Variants in ABCA8 observed in about 807,000 individuals in gnomAD.
ABCA8 encodes ATP binding cassette subfamily A member 8, also known as ABC-type organic anion transporter ABCA8.
A neutral mutation model predicts 192.3 loss-of-function variants in ABCA8; 177 were observed. That is an observed-to-expected ratio of 0.92 (90% CI 0.81 to 1.04). The LOEUF is 1.04. ABCA8 is among the 50% of genes least tolerant of loss of function. The probability of loss-of-function intolerance (pLI) is 0.00; values close to 1 mark genes in which losing one functional copy is unlikely to be tolerated. For synonymous variants in ABCA8, 642 were observed against 690.2 expected (o/e 0.93, Z 1.09); for missense variants, 1,915 against 1,904.8 (o/e 1.01, Z -0.10).
In ABCA8 at chr17:68,903,486, C is replaced by T. The variant is rs1397675893; in HGVS notation, c.2412G>A (p.Leu804=). Residue 804 remains leucine (L), a synonymous_variant, in exon 20 of 40, where the codon TTG becomes TTA. Coordinates refer to ENST00000586539, the MANE Select transcript of ABCA8 (RefSeq NM_001288985.2). ...CAGCTTTTTCCGCTTGTACTTCTCC[C>T]AAAATAGCAATGTCTGCAAAACATA... ...STINESDIAI[L]GEVQAEKADD... The T allele has an allele frequency of 1.2e-6, 2 of 1,613,962 alleles. No individual in the cohort carries two copies. The highest frequency in any genetic ancestry group is 1.7e-6 in the Non-Finnish European group (2 of 1,179,970).
At chr17:68,888,049 T>C (rs1415917425) in intron 24 of ABCA8, among the ~76,000 whole-genome samples, 3 of 141,666 alleles carry the variant, frequency 2.1e-5, no homozygotes, top group Admixed American at 7.3e-5. Flanking sequence ...GTTTATTTTA[T>C]ATACACACAT....
Position 68,902,883 on chromosome 17 carries a change from C to A in ABCA8, c.2598-4G>T. The A allele has an allele frequency of 6.2e-7, 1 of 1,604,538 alleles. No homozygotes were observed. Among genetic ancestry groups the A allele is most frequent in the Non-Finnish European group, 8.5e-7 (1 of 1,175,058 alleles). Reference sequence around the variant, plus strand: ...TCCAGCCATTAGAATTAATAGCCTACACAAAAGAAAATTGCCAAAATGAAT... The same window carrying A: ...TCCAGCCATTAGAATTAATAGCCTAAACAAAAGAAAATTGCCAAAATGAAT... On this transcript the variant is annotated splice_region_variant and splice_polypyrimidine_tract_variant and intron_variant, in intron 20 of 39. Coordinates refer to ENST00000586539, the MANE Select transcript of ABCA8 (RefSeq NM_001288985.2).
intron 37 of ABCA8, among the ~76,000 whole-genome samples, chr17:68,871,757 A>C (rs2066063934): frequency 6.6e-6 from 1 of 152,190 alleles, no homozygotes; most frequent in Non-Finnish European, 1.5e-5. Context: ...CCATGATGAC[A>C]TTATAGCATA....
At chr17:68,929,477 A>C in intron 8 of ABCA8, 84 bp downstream of exon 8, 1 of 1,421,208 alleles carries the variant, frequency 7.0e-7, no homozygotes, top group South Asian at 1.4e-5. Context: ...GTAGAAAAAA[A>C]AGGAGGCATA....
Position 68,940,850 on chromosome 17 carries a change from A to T in ABCA8, c.209T>A (p.Phe70Tyr). The T allele has an allele frequency of 6.2e-7, 1 of 1,613,528 alleles. No homozygotes were observed. The highest frequency in any genetic ancestry group is 8.5e-7 in the Non-Finnish European group (1 of 1,179,568). ...TACAACAGAAAATCTGGATTCATTA[A>T]ATGTATCTACCCGTCCCAGGTCCAT... is the stretch of plus-strand genomic sequence containing the variant. Reference protein sequence around the residue: ...LTMDLGRVDTFNESRFSVVYT... With the variant: ...LTMDLGRVDTYNESRFSVVYT... The change falls in exon 4 of 40, where the codon TTT (phenylalanine) becomes TAT (tyrosine). Residue 70 changes from phenylalanine to tyrosine, a missense_variant. Transcript: ENST00000586539.
At chr17:68,943,210 CA>C (rs2068281333) in intron 2 of ABCA8, among the ~76,000 whole-genome samples, 1 of 152,020 alleles carries the variant, frequency 6.6e-6, no homozygotes, top group Non-Finnish European at 1.5e-5. Context: ...AAAAGCTTTA[CA>C]TTGTCTTTTT....
intron 17 of ABCA8, among the ~76,000 whole-genome samples, chr17:68,912,577 A>G (rs1033063429): frequency 1.3e-5 from 2 of 152,156 alleles, no homozygotes; most frequent in Non-Finnish European, 2.9e-5. Flanking sequence ...AGAAAACAGA[A>G]AAGAGCAGAA....
At chr17:68,953,104 G>A (rs1000393348) in intron 1 of ABCA8, among the ~76,000 whole-genome samples, 1 of 152,168 alleles carries the variant, frequency 6.6e-6, no homozygotes, top group Admixed American at 6.5e-5. Context: ...GCTTTCAAAT[G>A]GTCTTTGCCG....
intron 3 of ABCA8, 91 bp from the exon 4 acceptor site, chr17:68,941,053 T>G: frequency 1.0e-6 from 1 of 985,644 alleles, no homozygotes; most frequent in Non-Finnish European, 1.5e-6. Flanking sequence ...TCTTTTTTAC[T>G]TTTCTAACTT....
At chr17:68,903,152 T>G in intron 20 of ABCA8, 149 bp downstream of exon 20, 1 of 876,684 alleles carries the variant, frequency 1.1e-6, no homozygotes, top group Non-Finnish European at 1.7e-6. Flanking sequence ...AGATTCTGCC[T>G]CTCTCCTGTG....
Position 68,911,734 on chromosome 17 carries a change from TACACAC to T in ABCA8, c.2139-3861_2139-3856del, listed in dbSNP as rs60957466. On this transcript the variant is annotated intron_variant, in intron 17 of 39. Coordinates refer to ENST00000586539, the MANE Select transcript of ABCA8 (RefSeq NM_001288985.2). The surrounding 1 kb of genome is among the most constrained non-coding windows in gnomAD (Gnocchi z 5.7). Reference sequence around the variant, plus strand: ...CCTCTGCCAGCTCCAGACAGCTCAATACACACACACACACACACACACACACACACA... The same window carrying T: ...CCTCTGCCAGCTCCAGACAGCTCAATACACACACACACACACACACACACA... 0.023 allele frequency among the ~76,000 whole-genome samples: 3,288 copies of T among 144,058 alleles called. 95 individuals carry two copies. The highest frequency in any genetic ancestry group is 0.14 in the East Asian group (689 of 4,844). The allele number at this position is 144,058 out of a possible 152,430, so 94.5% of individuals were successfully genotyped here. A position where few individuals can be genotyped will look rare whatever the true frequency, so the allele number is the denominator to read the frequency against.
Position 68,918,483 on chromosome 17 carries a change from T to A in ABCA8, c.1852A>T (p.Ser618Cys). The A allele has an allele frequency of 6.4e-7, 1 of 1,553,680 alleles. No homozygotes were observed. ...GTTAGCTTTCTTTTCTGTCCACCAC[T>A]TAAGTTTTGAGCAAGAACATCCTGA... The part of the protein sequence containing the change: ...NIQDVLAQNL[S>C]GGQKRKLTFG... The change falls in exon 15 of 40, where the codon AGT becomes TGT. Residue 618 changes from serine to cysteine, a missense_variant. Transcript: ENST00000586539.
At chr17:68,901,679 G>A (rs888119379) in intron 21 of ABCA8, among the ~76,000 whole-genome samples, 1 of 152,156 alleles carries the variant, frequency 6.6e-6, no homozygotes, top group East Asian at 1.9e-4. Flanking sequence ...GTGGTGGCAA[G>A]CTCCTGTAGT....
rs1330732130 is a variant in ABCA8, at chr17:68,932,361, C to A, written c.724G>T (p.Val242Phe). ...SFSSFIYYAS[V>F]NVTRERKRMK... ...CTTTTCCTCTCTCTTGTGACATTAA[C>A]AGATGCATAGTAAATGAATGAGGAA... The change falls in exon 7 of 40, where the codon GTT becomes TTT. Residue 242 changes from valine to phenylalanine, a missense_variant. Val to Phe is a conservative substitution (Grantham distance 50). Transcript: ENST00000586539. 6.2e-7 allele frequency: 1 copy of A among 1,614,076 alleles called. No homozygotes were observed. Among genetic ancestry groups the A allele is most frequent in the East Asian group, 2.2e-5 (1 of 44,880 alleles).
intron 17 of ABCA8, among the ~76,000 whole-genome samples, chr17:68,916,486 G>A (rs2067367412): frequency 6.6e-6 from 1 of 152,044 alleles, no homozygotes; most frequent in Non-Finnish European, 1.5e-5. Flanking sequence ...AATATCTCAT[G>A]TACCCCCATA....
At position 68,932,375 on chromosome 17, in the gene ABCA8, A is replaced by G. The variant is rs1476737862; in HGVS notation, c.710T>C (p.Ile237Thr). The G allele has an allele frequency of 1.2e-6, 2 of 1,614,120 alleles. No homozygotes were observed. Among genetic ancestry groups the G allele is most frequent in the Non-Finnish European group, 1.7e-6 (2 of 1,179,954 alleles). Reference sequence around the variant, plus strand: ...TGTGACATTAACAGATGCATAGTAAATGAATGAGGAAAATGAAATAATGCA... The same window carrying G: ...TGTGACATTAACAGATGCATAGTAAGTGAATGAGGAAAATGAAATAATGCA... ...FSCIISFSSF[I>T]YYASVNVTRE... Residue 237 changes from isoleucine to threonine, a missense_variant, in exon 7 of 40, where the codon ATT (isoleucine) becomes ACT (threonine). Transcript: ENST00000586539.
intron 12 of ABCA8, 30 bp downstream of exon 12, chr17:68,922,212 T>TAAA: frequency 3.1e-5 from 3 of 95,820 alleles, no homozygotes; most frequent in Non-Finnish European, 3.6e-5. Context: ...TTTTTTTTTT[T>TAAA]TTTTTTTTTT....
At chr17:68,917,304 G>T in intron 17 of ABCA8, 57 bp downstream of exon 17, 1 of 1,011,800 alleles carries the variant, frequency 9.9e-7, no homozygotes, top group Non-Finnish European at 1.5e-6. Flanking sequence ...GTAATGTTTT[G>T]CTTCAAGCAT....
At chr17:68,876,817 T>A in intron 33 of ABCA8, 114 bp from the exon 34 acceptor site, 1 of 1,254,088 alleles carries the variant, frequency 8.0e-7, no homozygotes, top group Non-Finnish European at 1.1e-6. Flanking sequence ...GAAATACATG[T>A]GGTCGGGGGG....
Sources: gnomAD v4.1 joint callset for allele counts (sites outside exome capture counted in the v4.1 genomes callset) on GRCh38, gnomAD v4.1.1 for gene constraint, Gnocchi (gnomAD v3.1) non-coding constraint, MANE v1.5 for transcripts, NCBI Gene and HGNC (gene_info 2026-07-23, HGNC 2026-07-21) for gene names.